Variants in SLC12A3 observed in about 807,000 individuals in gnomAD.
SLC12A3 encodes the protein solute carrier family 12 member 3, also known as Na-Cl cotransporter.
Under a neutral mutation model 121.0 loss-of-function variants are expected in SLC12A3, and 104 were observed. The observed-to-expected ratio is 0.86, with a 90% CI of 0.73 to 1.01. The LOEUF (loss-of-function observed/expected upper bound fraction) is 1.01, where lower values mean the gene tolerates loss of function less well. SLC12A3 is among the 50% of genes least tolerant of loss of function. The pLI, the probability that SLC12A3 is intolerant of heterozygous loss-of-function variation, is 0.00. For missense variants in SLC12A3, 1,328 were observed against 1,356.3 expected, an observed-to-expected ratio of 0.98 and a Z score of 0.33; for synonymous variants, 536 against 533.4, an observed-to-expected ratio of 1.00 and a Z score of -0.07.
intron 6 of SLC12A3, among the ~76,000 whole-genome samples, chr16:56,871,047 C>G (rs1287149962): frequency 6.6e-6 from 1 of 152,136 alleles, no homozygotes; most frequent in African/African-American, 2.4e-5. Context: ...GTTGGTCAGG[C>G]TGGTCTCAAA....
At position 56,879,612 on chromosome 16, in the gene SLC12A3, C is replaced by T. The variant is rs139743444; in HGVS notation, c.1406C>T (p.Ala469Val). Residue 469 changes from alanine to valine, a missense_variant, in exon 11 of 26, where the codon GCC (alanine) becomes GTC (valine). By Grantham distance (64) the Ala-to-Val change is moderately conservative. Transcript: ENST00000563236. ...AGIFGATLSS[A>V]LACLVSAAKV... Reference sequence around the variant, plus strand: ...ATCTTCGGGGCCACCCTCTCCTCTGCCCTGGCCTGCCTTGTCTCTGCTGCC... The same window carrying T: ...ATCTTCGGGGCCACCCTCTCCTCTGTCCTGGCCTGCCTTGTCTCTGCTGCC... 118 of 1,613,528 alleles carry T rather than the reference C, an allele frequency of 7.3e-5. No individual in the cohort carries two copies. In the Middle Eastern group the frequency reaches 2.6e-3, roughly 36 times the overall value.
intron 11 of SLC12A3, 40 bp from the exon 12 acceptor site, chr16:56,880,090 G>T (rs1197171653): frequency 6.3e-7 from 1 of 1,596,970 alleles, no homozygotes; most frequent in South Asian, 1.1e-5. Flanking sequence ...GGAAGTGGCA[G>T]GTCCCAGCCT....
Position 56,872,365 on chromosome 16 carries a change from C to T in SLC12A3, c.867C>T (p.Phe289=), listed in dbSNP as rs369075765. The T allele has an allele frequency of 4.3e-6, 7 of 1,613,970 alleles. No homozygotes were observed. The East Asian group carries it at 1.3e-4, about 31-fold the overall frequency. The change falls in exon 7 of 26, where the codon TTC becomes TTT. Residue 289 remains phenylalanine (F), a synonymous_variant. Coordinates refer to ENST00000563236, the MANE Select transcript of SLC12A3 (RefSeq NM_001126108.2). ...MEWESKAQVL[F]FLVIMVSFAN... is the part of the protein sequence containing the mutation. Reference sequence around the variant, plus strand: ...GCCCCCTCCAGGCCCAGGTGCTGTTCTTCCTTGTCATCATGGTCTCCTTTG... The same window carrying T: ...GCCCCCTCCAGGCCCAGGTGCTGTTTTTCCTTGTCATCATGGTCTCCTTTG...
Position 56,899,562 on chromosome 16 carries a change from GATTCCAT to G in SLC12A3, c.2667_2673del (p.Phe890LysfsTer23). Reference sequence around the variant, plus strand: ...TCTCTGCTGAGCAAGTTCCGACTGGGATTCCATGAAGTCCACATCCTCCCTGACATCA... The same window carrying G: ...TCTCTGCTGAGCAAGTTCCGACTGGGGAAGTCCACATCCTCCCTGACATCA... On this transcript the variant is annotated frameshift_variant, in exon 23 of 26. Transcript: ENST00000563236. LOFTEE classifies it high-confidence loss of function. 6.2e-7 allele frequency: 1 copy of G among 1,614,152 alleles called. No individual in the cohort carries two copies. Among genetic ancestry groups the G allele is most frequent in the Non-Finnish European group, 8.5e-7 (1 of 1,179,988 alleles).
rs1188849204 is a variant in SLC12A3 at position 56,887,933 on chromosome 16, T to A, written c.2187T>A (p.Gly729=). ...RGVQILMQAA[G]LGRMKPNILV... ...CCCCTATCCCCTGGCAGGCCGCAGG[T>A]CTCGGGAGAATGAAGCCCAACATTC... Residue 729 remains glycine, a synonymous_variant, in exon 18 of 26, where the codon GGT becomes GGA. Coordinates refer to ENST00000563236, the MANE Select transcript of SLC12A3 (RefSeq NM_001126108.2). 1 of 1,611,372 alleles carries A rather than the reference T, an allele frequency of 6.2e-7. No individual in the cohort carries two copies. Among genetic ancestry groups the A allele is most frequent in the South Asian group, 1.1e-5 (1 of 91,018 alleles).
At chr16:56,878,272 A>C in intron 9 of SLC12A3, 111 bp downstream of exon 9, 1 of 821,012 alleles carries the variant, frequency 1.2e-6, no homozygotes, top group Non-Finnish European at 2.1e-6. Flanking sequence ...CGACTCTCTA[A>C]CAACAGGGAG....
At chr16:56,913,212 G>A in intron 25 of SLC12A3, 52 bp from the exon 26 acceptor site, 1 of 1,613,210 alleles carries the variant, frequency 6.2e-7, no homozygotes, top group Non-Finnish European at 8.5e-7. Flanking sequence ...AGCTGGGCGT[G>A]TGGAGCGGCC....
chr16:56,866,557 C>T (rs1596884947), intron 1 of SLC12A3, among the ~76,000 whole-genome samples: 1 of 152,294 alleles, frequency 6.6e-6, no homozygotes, highest in South Asian at 2.1e-4. Context: ...ATAATCCTGT[C>T]GCCCATTACA....
At chr16:56,899,450 C>G (rs1242826403) in intron 22 of SLC12A3, 80 bp from the exon 23 acceptor site, 1 of 1,078,380 alleles carries the variant, frequency 9.3e-7, no homozygotes, top group Non-Finnish European at 1.4e-6. Context: ...GATTGCACCA[C>G]TGCACTCCAG....
chr16:56,890,238 G>A (rs375916530), intron 18 of SLC12A3, 36 bp from the exon 19 acceptor site: 34 of 1,558,426 alleles, frequency 2.2e-5, no homozygotes, highest in Non-Finnish European at 2.6e-5. Context: ...AGTGGGAGCT[G>A]GGGGAGAAGC....
chr16:56,871,966 G>A (rs1241997208), intron 6 of SLC12A3, among the ~76,000 whole-genome samples: 1 of 152,004 alleles, frequency 6.6e-6, no homozygotes, highest in South Asian at 2.1e-4. Context: ...CAGGTGATCC[G>A]CCCACCTCGG....
At position 56,865,636 on chromosome 16, in the gene SLC12A3, C is replaced by T. The variant is rs1196046507; in HGVS notation, c.282+119C>T. 4 of 1,161,364 alleles carry T rather than the reference C, an allele frequency of 3.4e-6. No homozygotes were observed. The Admixed American group carries it at 5.8e-5, about 17-fold the overall frequency. 71.9% of individuals were successfully genotyped at this position (1,161,364 alleles called of 1,614,324 possible). ...CATGGGGATGGAGGAGCGTCTTCTTCCTGGGTTGAGAGGCCCCAGTGAAAT... is the reference window on the plus strand; with the variant it reads ...CATGGGGATGGAGGAGCGTCTTCTTTCTGGGTTGAGAGGCCCCAGTGAAAT... On this transcript the variant is annotated intron_variant, in intron 1 of 25. Coordinates refer to ENST00000563236, the MANE Select transcript of SLC12A3 (RefSeq NM_001126108.2).
At chr16:56,893,077 C>T (rs762950517) in intron 21 of SLC12A3, 23 bp downstream of exon 21, 50 of 1,594,248 alleles carry the variant, frequency 3.1e-5, no homozygotes, top group Non-Finnish European at 4.0e-5. Context: ...CTTGGATCAG[C>T]CCTCCTGCCC....
chr16:56,908,001 G>A (rs1486606459), intron 25 of SLC12A3, among the ~76,000 whole-genome samples: 1 of 152,048 alleles, frequency 6.6e-6, no homozygotes, highest in Non-Finnish European at 1.5e-5. Context: ...CTTAGCAGAT[G>A]TGTGTAAGAG....
At chr16:56,891,074 A>T (rs1160488119) in intron 19 of SLC12A3, among the ~76,000 whole-genome samples, 1 of 151,734 alleles carries the variant, frequency 6.6e-6, no homozygotes, top group Non-Finnish European at 1.5e-5. Context: ...CAGACTCTGA[A>T]TTAGAAATAT....
At chr16:56,885,231 T>C in intron 14 of SLC12A3, 34 bp from the exon 15 acceptor site, 1 of 1,260,162 alleles carries the variant, frequency 7.9e-7, no homozygotes, top group East Asian at 2.5e-5. Flanking sequence ...TTCCTAACTC[T>C]GCTCTCACCC....
chr16:56,869,216 C>T (rs1964432253), intron 3 of SLC12A3, among the ~76,000 whole-genome samples: 1 of 152,136 alleles, frequency 6.6e-6, no homozygotes, highest in Non-Finnish European at 1.5e-5. Context: ...GTGGTAACTG[C>T]TACTTTATTT....
At chr16:56,867,761 C>T (rs1224423255) in intron 2 of SLC12A3, among the ~76,000 whole-genome samples, 1 of 152,194 alleles carries the variant, frequency 6.6e-6, no homozygotes, top group South Asian at 2.1e-4. Flanking sequence ...TTGCCAGAGC[C>T]GGGAACGGCC....
intron 18 of SLC12A3, among the ~76,000 whole-genome samples, chr16:56,889,274 C>G (rs1040776524): frequency 6.6e-6 from 1 of 152,200 alleles, no homozygotes; most frequent in Non-Finnish European, 1.5e-5. Flanking sequence ...TCTCCAGCCT[C>G]CCTCCAGCTC....
Sources: allele counts gnomAD v4.1 joint callset (sites outside exome capture counted in the v4.1 genomes callset), GRCh38; gene constraint gnomAD v4.1.1; transcripts MANE v1.5; gene names NCBI Gene and HGNC (gene_info 2026-07-23, HGNC 2026-07-21).